CYFIP2: variants seen among roughly 807,000 people sequenced by gnomAD.
CYFIP2 encodes the protein cytoplasmic FMR1-interacting protein 2.
A neutral mutation model predicts 158.7 loss-of-function variants in CYFIP2; 29 were observed. The observed-to-expected ratio is 0.18, with a 90% confidence interval of 0.14 to 0.25. CYFIP2 has a LOEUF of 0.25. CYFIP2 is among the 10% of genes least tolerant of loss of function. The probability of loss-of-function intolerance (pLI) is 1.00; values close to 1 mark genes in which losing one functional copy is unlikely to be tolerated. For missense variants in CYFIP2, 852 were observed against 1,639.5 expected (o/e 0.52, Z 8.29); for synonymous variants, 585 against 617.6 (o/e 0.95, Z 0.78).
At chr5:157,349,873 T>C (rs944899656) in intron 23 of CYFIP2, among the ~76,000 whole-genome samples, 6 of 152,278 alleles carry the variant, frequency 3.9e-5, no homozygotes, top group Non-Finnish European at 8.8e-5. Context: ...TTAGCGATGC[T>C]GAGCTTTTTC....
chr5:157,314,500 C>G (rs1581039636), intron 12 of CYFIP2, 37 bp downstream of exon 12: 1 of 1,594,166 alleles, frequency 6.3e-7, no homozygotes. Flanking sequence ...ACACTGACCT[C>G]TCTTTCCTTG....
Position 157,300,751 on chromosome 5 carries a change from C to T in CYFIP2, c.424C>T (p.Arg142Trp). ...AIERFCSEVKRLCHAERRKDF... is the reference protein window; with the variant it reads ...AIERFCSEVKWLCHAERRKDF... The stretch of plus-strand genomic sequence containing the variant: ...CGAGCGGTTCTGCAGCGAGGTGAAG[C>T]GGCTGTGCCATGCCGAGCGCAGGAA... The change falls in exon 6 of 31, where the codon CGG becomes TGG. Residue 142 changes from arginine to tryptophan, a missense_variant. This residue lies in a region of CYFIP2 where 123 missense variants were observed against 316.7 expected (regional missense o/e 0.39). Transcript: ENST00000620254. 1 of 1,610,478 alleles carries T rather than the reference C, an allele frequency of 6.2e-7. No homozygotes were observed. The highest frequency in any genetic ancestry group is 1.1e-5 in the South Asian group (1 of 90,674).
At chr5:157,369,193 C>G (rs1016767735) in intron 26 of CYFIP2, among the ~76,000 whole-genome samples, 7 of 152,114 alleles carry the variant, frequency 4.6e-5, no homozygotes, top group Non-Finnish European at 1.0e-4. Context: ...CCACCGCGCC[C>G]GGCCATTCCC....
At chr5:157,289,328 TA>T (rs1757642262) in intron 3 of CYFIP2, among the ~76,000 whole-genome samples, 1 of 152,236 alleles carries the variant, frequency 6.6e-6, no homozygotes, top group South Asian at 2.1e-4. Context: ...GTAAAGTGCA[TA>T]TAGGGATATT....
At chr5:157,274,129 T>TA (rs58939164) in intron 1 of CYFIP2, among the ~76,000 whole-genome samples, 4,043 of 123,148 alleles carry the variant, frequency 0.033, 165 homozygotes, top group African/African-American at 0.1. Context: ...AAACTCTGTG[T>TA]AAAAAAAAAA....
intron 21 of CYFIP2, 37 bp downstream of exon 21, chr5:157,333,483 G>A: frequency 6.2e-7 from 1 of 1,613,748 alleles, no homozygotes; most frequent in South Asian, 1.1e-5. Context: ...TCTGCTCTGT[G>A]ATTTCTCAGA....
chr5:157,387,313 C>A (rs1766796390), intron 28 of CYFIP2, among the ~76,000 whole-genome samples: 1 of 152,166 alleles, frequency 6.6e-6, no homozygotes, highest in Admixed American at 6.5e-5. Context: ...AGGGAGAAAG[C>A]TCCTGTGTCA....
At chr5:157,380,518 G>A (rs1765945713) in intron 26 of CYFIP2, among the ~76,000 whole-genome samples, 1 of 152,050 alleles carries the variant, frequency 6.6e-6, no homozygotes, top group South Asian at 2.1e-4. Flanking sequence ...TTGGAAAGGT[G>A]GTTTTGTCTC....
intron 13 of CYFIP2, among the ~76,000 whole-genome samples, chr5:157,319,302 A>G (rs1375515102): frequency 6.6e-6 from 1 of 152,220 alleles, no homozygotes; most frequent in African/African-American, 2.4e-5. Context: ...AACGGTTTCA[A>G]AAACAAAGGT....
intron 1 of CYFIP2, among the ~76,000 whole-genome samples, chr5:157,280,357 T>A (rs1479314775): frequency 7.0e-6 from 1 of 142,732 alleles, no homozygotes; most frequent in South Asian, 2.3e-4. Flanking sequence ...CCACCACGCC[T>A]GGCTAATTTT....
chr5:157,333,992 C>A (rs1180908428), intron 21 of CYFIP2, among the ~76,000 whole-genome samples: 1 of 152,228 alleles, frequency 6.6e-6, no homozygotes, highest in Non-Finnish European at 1.5e-5. Context: ...TCTGCTAATT[C>A]TCTCTCTTCA....
chr5:157,354,412 A>G (rs1313920219), intron 23 of CYFIP2, among the ~76,000 whole-genome samples: 1 of 152,080 alleles, frequency 6.6e-6, no homozygotes, highest in African/African-American at 2.4e-5. Flanking sequence ...GCCAACCCTC[A>G]GAAAATGCCC....
At chr5:157,367,917 G>A (rs1451324466) in intron 26 of CYFIP2, among the ~76,000 whole-genome samples, 2 of 151,904 alleles carry the variant, frequency 1.3e-5, no homozygotes, top group Non-Finnish European at 2.9e-5. Context: ...ACCACACCCA[G>A]CTAATTTTTG....
intron 4 of CYFIP2, 120 bp downstream of exon 4, chr5:157,294,980 T>C (rs1758136454): frequency 1.5e-6 from 1 of 656,392 alleles, no homozygotes; most frequent in Non-Finnish European, 2.5e-6. Context: ...AAGCAGGTCC[T>C]CTTATCCAAG....
chr5:157,287,734 C>G (rs1177573325), intron 3 of CYFIP2, among the ~76,000 whole-genome samples: 2 of 152,168 alleles, frequency 1.3e-5, no homozygotes, highest in African/African-American at 2.4e-5. Flanking sequence ...ACCTTTGACA[C>G]TATATGTCTT....
At chr5:157,291,965 A>G (rs762375969) in intron 3 of CYFIP2, among the ~76,000 whole-genome samples, 3 of 152,112 alleles carry the variant, frequency 2.0e-5, no homozygotes, top group Admixed American at 6.5e-5. Context: ...AGTTTTCAGC[A>G]TATTCACAAT....
chr5:157,277,039 C>CT (rs755120170), intron 1 of CYFIP2: 34,945 of 144,842 alleles, frequency 0.24, 4,910 homozygotes, highest in Non-Finnish European at 0.34. Context: ...TTCTCTTTTT[C>CT]TTTTTTTTTT....
intron 9 of CYFIP2, 61 bp from the exon 10 acceptor site, chr5:157,309,682 C>T (rs140301257): frequency 2.5e-5 from 37 of 1,493,394 alleles, no homozygotes; most frequent in African/African-American, 9.7e-5. Context: ...GGGGTGGCAG[C>T]GAAGGCAGCC....
intron 1 of CYFIP2, among the ~76,000 whole-genome samples, chr5:157,283,435 C>CT (rs140065439): frequency 1.1e-4 from 17 of 149,996 alleles, no homozygotes; most frequent in Admixed American, 2.7e-4. Flanking sequence ...GGAAGACAGT[C>CT]TTTTTTTTTT....
Sources: gnomAD v4.1 joint callset for allele counts (sites outside exome capture counted in the v4.1 genomes callset) on GRCh38, gnomAD v4.1.1 for gene constraint, gnomAD v4.1.1 regional missense constraint, MANE v1.5 for transcripts, NCBI Gene and HGNC (gene_info 2026-07-23, HGNC 2026-07-21) for gene names.